VGLL4: variants seen among roughly 807,000 people sequenced by gnomAD.
VGLL4 encodes the protein vestigial like family member 4.
VGLL4 carries 7 observed loss-of-function variants against 21.0 expected under a neutral mutation model. That is an observed-to-expected ratio of 0.33 (90% CI 0.19 to 0.63). The LOEUF (loss-of-function observed/expected upper bound fraction) is 0.63. Among genes scored for constraint, VGLL4 ranks in the 20% least tolerant of loss-of-function variants. The pLI is 0.78. For synonymous variants in VGLL4, 222 were observed against 173.2 expected, an observed-to-expected ratio of 1.28 and a Z score of -2.21; for missense variants, 394 against 425.7, an observed-to-expected ratio of 0.93 and a Z score of 0.66.
chr3:11,568,815 G>A lies in VGLL4; in HGVS notation c.273-3796C>T, dbSNP rs2073657207. On this transcript the variant is annotated intron_variant, in intron 2 of 4. Coordinates refer to ENST00000430365, the MANE Select transcript of VGLL4 (RefSeq NM_001128219.3). The surrounding 1 kb of genome is among the most constrained non-coding windows in gnomAD (Gnocchi z 5.9). ...GCCCGAGAGAGCCCACGGCATCCCC[G>A]CGAACACCCAAAGGACTCTGAGTGG... 46 of 1,428,398 alleles carry A rather than the reference G, an allele frequency of 3.2e-5. No individual in the cohort carries two copies. In the South Asian group the frequency reaches 5.5e-4, roughly 17 times the overall value. 88.5% of individuals were successfully genotyped at this position (1,428,398 alleles called of 1,614,324 possible).
intron 2 of VGLL4, among the ~76,000 whole-genome samples, chr3:11,596,105 T>TA (rs1245680624): frequency 7.3e-5 from 11 of 151,668 alleles, no homozygotes; most frequent in Non-Finnish European, 1.6e-4. Context: ...GGGAAGGGAG[T>TA]AAAAGGTGTG....
intron 2 of VGLL4, among the ~76,000 whole-genome samples, chr3:11,672,436 A>G (rs186632588): frequency 6.6e-6 from 1 of 152,258 alleles, no homozygotes; most frequent in East Asian, 1.9e-4. Context: ...GTTTAAAAAT[A>G]TCTTAATTCT....
At chr3:11,675,944 T>C (rs998099004) in intron 2 of VGLL4, among the ~76,000 whole-genome samples, 1 of 152,232 alleles carries the variant, frequency 6.6e-6, no homozygotes, top group African/African-American at 2.4e-5. Flanking sequence ...CATAAAGATA[T>C]ACATTGCCTT....
chr3:11,577,116 G>A (rs906421807), intron 2 of VGLL4, among the ~76,000 whole-genome samples: 2 of 151,966 alleles, frequency 1.3e-5, no homozygotes, highest in Non-Finnish European at 2.9e-5. Context: ...GGGCTCCTGG[G>A]GAAACCCAAG....
chr3:11,616,431 G>A (rs1183960494), intron 1 of VGLL4, among the ~76,000 whole-genome samples: 1 of 152,180 alleles, frequency 6.6e-6, no homozygotes, highest in Non-Finnish European at 1.5e-5. Flanking sequence ...CCACTTCCTA[G>A]ACCCAGCTCA....
At chr3:11,623,608 G>T (rs1362567631) in intron 1 of VGLL4, among the ~76,000 whole-genome samples, 3 of 152,192 alleles carry the variant, frequency 2.0e-5, no homozygotes, top group Admixed American at 6.5e-5. Context: ...AACTGTCTAG[G>T]TCTAACTGTC....
intron 2 of VGLL4, chr3:11,671,385 C>G: frequency 1.1e-6 from 1 of 934,688 alleles, no homozygotes; most frequent in Non-Finnish European, 1.7e-6. Context: ...TAACAAGTTC[C>G]CAGGTGACGC....
intron 1 of VGLL4, among the ~76,000 whole-genome samples, chr3:11,720,041 C>T (rs2076972705): frequency 6.6e-6 from 1 of 152,176 alleles, no homozygotes; most frequent in Admixed American, 6.5e-5. Context: ...AGGTGCCCGC[C>T]GCGCTCCCCA....
chr3:11,596,452 C>T (rs2074642440), intron 2 of VGLL4, among the ~76,000 whole-genome samples: 1 of 152,218 alleles, frequency 6.6e-6, no homozygotes, highest in Admixed American at 6.5e-5. Context: ...CTGAAGTGCA[C>T]TGCAGGAGTG....
At chr3:11,571,743 A>G (rs2073784699) in intron 2 of VGLL4, among the ~76,000 whole-genome samples, 1 of 152,196 alleles carries the variant, frequency 6.6e-6, no homozygotes, top group Non-Finnish European at 1.5e-5. Flanking sequence ...AATCAACTCC[A>G]TGGACCCGGC....
intron 2 of VGLL4, among the ~76,000 whole-genome samples, chr3:11,675,033 T>C (rs1476956500): frequency 6.6e-6 from 1 of 152,192 alleles, no homozygotes; most frequent in Non-Finnish European, 1.5e-5. Flanking sequence ...CCAACCATCT[T>C]TTCGGTTTTA....
intron 1 of VGLL4, among the ~76,000 whole-genome samples, chr3:11,628,645 C>T (rs2075409378): frequency 6.6e-6 from 1 of 151,464 alleles, no homozygotes; most frequent in South Asian, 2.1e-4. Flanking sequence ...ACGGTGAAAC[C>T]CCGTCTCTAC....
chr3:11,716,449 A>T (rs2076920820), intron 1 of VGLL4, among the ~76,000 whole-genome samples: 2 of 152,234 alleles, frequency 1.3e-5, no homozygotes, highest in Middle Eastern at 3.4e-3. Context: ...GTGCATTGGG[A>T]GGCTCAAATT....
intron 1 of VGLL4, among the ~76,000 whole-genome samples, chr3:11,717,496 T>TTTTTTTTTTTTTG: frequency 7.1e-6 from 1 of 140,936 alleles, no homozygotes; most frequent in African/African-American, 2.8e-5. Context: ...ACAGATTTTT[T>TTTTTTTTTTTTTG]TTTTTTTTTT....
chr3:11,574,066 G>C (rs2073955711), intron 2 of VGLL4, among the ~76,000 whole-genome samples: 1 of 152,176 alleles, frequency 6.6e-6, no homozygotes. Context: ...GCTCCCCACA[G>C]CCCTCAGAAG....
chr3:11,647,080 A>G (rs2075805226), upstream of VGLL4, among the ~76,000 whole-genome samples: 1 of 152,248 alleles, frequency 6.6e-6, no homozygotes, highest in Non-Finnish European at 1.5e-5. Context: ...GTCTTGGGGA[A>G]AAATGAAACA....
At chr3:11,573,294 AG>A (rs1472037131) in intron 2 of VGLL4, among the ~76,000 whole-genome samples, 3 of 11,260 alleles carry the variant, frequency 2.7e-4, no homozygotes, top group Non-Finnish European at 1.4e-4. Context: ...AAAGAAAGAA[AG>A]AAAGAAAGAA....
intron 1 of VGLL4, among the ~76,000 whole-genome samples, chr3:11,634,282 G>A (rs1485353751): frequency 6.6e-6 from 1 of 152,110 alleles, no homozygotes; most frequent in Non-Finnish European, 1.5e-5. Context: ...TCCGCTTGTA[G>A]GAGCTGGAAA....
intron 2 of VGLL4, among the ~76,000 whole-genome samples, chr3:11,596,589 T>C (rs1170748948): frequency 6.6e-6 from 1 of 152,084 alleles, no homozygotes; most frequent in Non-Finnish European, 1.5e-5. Flanking sequence ...GAACTCATTA[T>C]CTCCTAGCTC....
Sources: gnomAD v4.1 joint callset for allele counts (sites outside exome capture counted in the v4.1 genomes callset) on GRCh38, gnomAD v4.1.1 for gene constraint, Gnocchi (gnomAD v3.1) non-coding constraint, MANE v1.5 for transcripts, NCBI Gene and HGNC (gene_info 2026-07-23, HGNC 2026-07-21) for gene names.